WDR41: variants seen among roughly 807,000 people sequenced by gnomAD.
WDR41 encodes WD repeat-containing protein 41.
In WDR41, 63 loss-of-function variants were observed where a neutral mutation model predicts 69.3. That is an observed-to-expected ratio of 0.91 (90% CI 0.74 to 1.12). The LOEUF (loss-of-function observed/expected upper bound fraction) is 1.12. Ranked by LOEUF, WDR41 falls within the 50% of genes most tolerant of loss-of-function variation. The pLI, the probability that WDR41 is intolerant of heterozygous loss-of-function variation, is 0.00. For synonymous variants in WDR41, 185 were observed against 192.1 expected, an observed-to-expected ratio of 0.96 and a Z score of 0.31; for missense variants, 543 against 534.5, an observed-to-expected ratio of 1.02 and a Z score of -0.16.
chr5:77,539,544 G>T (rs1416825894), intron 1 of WDR41, among the ~76,000 whole-genome samples: 1 of 151,990 alleles, frequency 6.6e-6, no homozygotes, highest in African/African-American at 2.4e-5. Flanking sequence ...GGTTTCAGAG[G>T]GTGAACACTT....
chr5:77,516,126 G>A (rs1446085871), intron 1 of WDR41, among the ~76,000 whole-genome samples: 3 of 152,128 alleles, frequency 2.0e-5, no homozygotes, highest in Admixed American at 6.6e-5. Flanking sequence ...CAGTGAAATG[G>A]TAGGCCAGTT....
chr5:77,507,609 T>A, intron 1 of WDR41, among the ~76,000 whole-genome samples: 1 of 152,202 alleles, frequency 6.6e-6, no homozygotes, highest in East Asian at 1.9e-4. Flanking sequence ...ATAACAGATT[T>A]TTTTGTCAGT....
At chr5:77,503,350 A>G (rs1301496464) in intron 1 of WDR41, among the ~76,000 whole-genome samples, 1 of 152,170 alleles carries the variant, frequency 6.6e-6, no homozygotes, top group Non-Finnish European at 1.5e-5. Context: ...TATGCACCCA[A>G]TACAGGAGGA....
intron 8 of WDR41, among the ~76,000 whole-genome samples, chr5:77,441,665 G>T (rs1204245077): frequency 6.6e-6 from 1 of 152,084 alleles, no homozygotes; most frequent in Admixed American, 6.6e-5. Context: ...TTGAACCTGG[G>T]ACGCAGAGGT....
intron 1 of WDR41, among the ~76,000 whole-genome samples, chr5:77,589,766 T>G (rs77081918): frequency 0.028 from 4,313 of 152,274 alleles, 183 homozygotes; most frequent in African/African-American, 0.095. Context: ...ATCATGTCAT[T>G]CATGAACAAT....
At chr5:77,620,475 A>G (rs949646015) in intron 1 of WDR41, 22 of 451,906 alleles carry the variant, frequency 4.9e-5, no homozygotes, top group African/African-American at 4.3e-4. Context: ...AAAACTTCAC[A>G]TACCTCACCA....
intron 8 of WDR41, among the ~76,000 whole-genome samples, chr5:77,449,343 T>C (rs1487322019): frequency 1.7e-4 from 26 of 152,242 alleles, no homozygotes; most frequent in Admixed American, 1.7e-3. Context: ...GCTTGAATCC[T>C]GCTCATTCTA....
At chr5:77,515,247 C>G (rs542811220) in intron 1 of WDR41, among the ~76,000 whole-genome samples, 28 of 152,064 alleles carry the variant, frequency 1.8e-4, no homozygotes, top group African/African-American at 6.7e-4. Context: ...TTAGAGTTTT[C>G]TATTTTTATT....
chr5:77,599,080 C>A (rs563988754), intron 1 of WDR41, among the ~76,000 whole-genome samples: 2 of 150,854 alleles, frequency 1.3e-5, no homozygotes, highest in African/African-American at 4.9e-5. Context: ...AGTCTAAAAC[C>A]AGTTGCATAT....
intron 1 of WDR41, among the ~76,000 whole-genome samples, chr5:77,580,263 A>T (rs1743912212): frequency 2.6e-5 from 4 of 152,178 alleles, no homozygotes; most frequent in African/African-American, 9.7e-5. Context: ...ATGGCTGGAG[A>T]GGCCTCAGAA....
Position 77,489,590 on chromosome 5 carries a change from A to AG in WDR41, c.52-19_52-18insC. ...GGAGATTTCTTGTATTGAAAAAAAA[A>AG]AAAAAGCAAAAAACAAAAGACAAAA... is the stretch of plus-strand genomic sequence containing the variant. On this transcript the variant is annotated intron_variant, in intron 1 of 12. Transcript: ENST00000296679. 6.7e-7 allele frequency: 1 copy of AG among 1,493,508 alleles called. No homozygotes were observed. The highest frequency in any genetic ancestry group is 1.2e-5 in the South Asian group (1 of 82,786). The allele number at this position is 1,493,508 out of a possible 1,614,324, so 92.5% of individuals were successfully genotyped here.
rs71606297 is a variant in WDR41 at position 77,464,274 on chromosome 5, C to CTTTTTTT, written c.216+480_216+486dup. Among the ~76,000 whole-genome samples the CTTTTTTT allele has an allele frequency of 5.4e-4, 51 of 94,226 alleles. 2 individuals carry two copies. Among genetic ancestry groups the CTTTTTTT allele is most frequent in the African/African-American group, 5.6e-4 (13 of 23,224 alleles). 61.8% of individuals were successfully genotyped at this position (94,226 alleles called of 152,430 possible). ...TTGGCATTTGTTTCTTAGGAAAAAA[C>CTTTTTTT]TTTTTTTTTTTTTTTTTTTTTTTGA... On this transcript the variant is annotated intron_variant, in intron 3 of 12. Transcript: ENST00000296679.
At position 77,437,900 on chromosome 5, in the gene WDR41, G is replaced by A. The variant is rs547168958; in HGVS notation, c.1004+340C>T. Among the ~76,000 whole-genome samples the A allele has an allele frequency of 2.6e-5, 4 of 152,210 alleles. No homozygotes were observed. In the East Asian group the frequency reaches 7.7e-4, roughly 29 times the overall value. On this transcript the variant is annotated intron_variant, in intron 10 of 12. Coordinates refer to ENST00000296679, the MANE Select transcript of WDR41 (RefSeq NM_018268.4). ...AGGAGACCAGCAACCATTTGATTCT[G>A]GCCATAAACAAAAAGAAGGTAGGTT...
At chr5:77,528,274 T>C (rs1441922927) in intron 1 of WDR41, among the ~76,000 whole-genome samples, 2 of 151,740 alleles carry the variant, frequency 1.3e-5, no homozygotes, top group Non-Finnish European at 1.5e-5. Flanking sequence ...AGGTGGCTAC[T>C]AACAACTTTA....
At chr5:77,433,584 A>G (rs3797632) in intron 12 of WDR41, among the ~76,000 whole-genome samples, 13,198 of 152,262 alleles carry the variant, frequency 0.087, 825 homozygotes, top group South Asian at 0.23. Flanking sequence ...GTTTTACTTA[A>G]CCATTACTTA....
At chr5:77,533,432 T>A (rs1166215484) in intron 1 of WDR41, among the ~76,000 whole-genome samples, 2 of 152,174 alleles carry the variant, frequency 1.3e-5, no homozygotes, top group Non-Finnish European at 2.9e-5. Context: ...GAAAAAGTAA[T>A]ACAATTATAT....
rs75709452 is a variant in WDR41 at position 77,489,582 on chromosome 5, A to G, written c.52-10T>C. 78,030 of 314,544 alleles carry G rather than the reference A, an allele frequency of 0.25. 56 individuals are homozygous for G. Among genetic ancestry groups the G allele is most frequent in the South Asian group, 0.29 (5,169 of 17,948 alleles). The allele number at this position is 314,544 out of a possible 1,614,324, so 19.5% of individuals were successfully genotyped here. A position where few individuals can be genotyped will look rare whatever the true frequency, so the allele number is the denominator to read the frequency against. ...TCTGTAAAGGAGATTTCTTGTATTG[A>G]AAAAAAAAAAAAAGCAAAAAACAAA... On this transcript the variant is annotated splice_polypyrimidine_tract_variant and intron_variant, in intron 1 of 12. Transcript: ENST00000296679.
chr5:77,527,581 CAGA>C (rs942178824), intron 1 of WDR41, among the ~76,000 whole-genome samples: 2 of 151,688 alleles, frequency 1.3e-5, no homozygotes, highest in South Asian at 2.1e-4. Flanking sequence ...ACAATTTAAA[CAGA>C]AGAAGAAGAA....
chr5:77,599,234 T>C (rs1429920196), intron 1 of WDR41, among the ~76,000 whole-genome samples: 1 of 130,954 alleles, frequency 7.6e-6, no homozygotes, highest in African/African-American at 2.8e-5. Context: ...ATGGAGTCTC[T>C]CTTTCACCCA....
Sources: gnomAD v4.1 joint callset for allele counts (sites outside exome capture counted in the v4.1 genomes callset) on GRCh38, gnomAD v4.1.1 for gene constraint, MANE v1.5 for transcripts, NCBI Gene and HGNC (gene_info 2026-07-23, HGNC 2026-07-21) for gene names.